The following SH3BGRL2 variants were observed in gnomAD, a reference collection of about 807,000 sequenced individuals.
The protein encoded by SH3BGRL2 is SH3 domain-binding glutamic acid-rich-like protein 2.
SH3BGRL2 carries 21 observed loss-of-function variants against 14.8 expected under a neutral mutation model. That is an observed-to-expected ratio of 1.42 (90% confidence interval 1.01 to 2.05). SH3BGRL2 has a LOEUF of 2.05. Ranked by LOEUF, SH3BGRL2 falls within the 30% of genes most tolerant of loss-of-function variation. The pLI is 0.00. For missense variants in SH3BGRL2, 147 were observed against 130.8 expected (o/e 1.12, Z -0.61); for synonymous variants, 50 against 47.8 (o/e 1.05, Z -0.19).
At chr6:79,695,541 C>G (rs1029258977) in intron 2 of SH3BGRL2, among the ~76,000 whole-genome samples, 1 of 152,114 alleles carries the variant, frequency 6.6e-6, no homozygotes, top group Non-Finnish European at 1.5e-5. Context: ...AGGATGCACC[C>G]TAGAGTACAG....
intron 1 of SH3BGRL2, among the ~76,000 whole-genome samples, chr6:79,632,774 T>TAA (rs1375068206): frequency 2.0e-5 from 3 of 152,228 alleles, no homozygotes; most frequent in Admixed American, 6.5e-5. Context: ...GGTTGCTTAG[T>TAA]CATGCCTGCC....
the SH3BGRL2 span, among the ~76,000 whole-genome samples, chr6:79,595,290 TA>T: frequency 3.3e-4 from 48 of 143,634 alleles, no homozygotes; most frequent in East Asian, 6.0e-4. Context: ...AACATCGTCT[TA>T]AAAAAAAAAA....
chr6:79,547,604 G>A, the SH3BGRL2 span, among the ~76,000 whole-genome samples: 1 of 152,224 alleles, frequency 6.6e-6, no homozygotes, highest in South Asian at 2.1e-4. Flanking sequence ...CCCAACATTA[G>A]TCCGTTCTGG....
At chr6:79,673,545 C>T (rs935271228) in intron 1 of SH3BGRL2, 69 bp from the exon 2 acceptor site, 7 of 1,456,552 alleles carry the variant, frequency 4.8e-6, no homozygotes. Context: ...AAATCTAGTT[C>T]AGTTTGGAAG....
the SH3BGRL2 span, among the ~76,000 whole-genome samples, chr6:79,541,764 G>A: frequency 6.6e-6 from 1 of 152,154 alleles, no homozygotes; most frequent in African/African-American, 2.4e-5. Flanking sequence ...CTGGAATGCT[G>A]TTACTAGAAG....
chr6:79,644,322 G>A (rs1429578724), intron 1 of SH3BGRL2, among the ~76,000 whole-genome samples: 25 of 152,076 alleles, frequency 1.6e-4, no homozygotes, highest in Admixed American at 1.6e-3. Context: ...GGAAGGGAGG[G>A]AATTGAGGGT....
At chr6:79,547,012 C>T in the SH3BGRL2 span, among the ~76,000 whole-genome samples, 3 of 152,100 alleles carry the variant, frequency 2.0e-5, no homozygotes, top group Non-Finnish European at 4.4e-5. Context: ...TTTGTGTTGC[C>T]ATTGGAATAA....
At chr6:79,600,526 G>T in the SH3BGRL2 span, among the ~76,000 whole-genome samples, 2 of 152,154 alleles carry the variant, frequency 1.3e-5, no homozygotes, top group Non-Finnish European at 2.9e-5. Context: ...AAAAGTCACA[G>T]TAGGCAGAAG....
intron 2 of SH3BGRL2, among the ~76,000 whole-genome samples, chr6:79,676,974 G>A (rs1029902776): frequency 1.3e-5 from 2 of 152,092 alleles, no homozygotes; most frequent in African/African-American, 4.8e-5. Context: ...GTGCTTGAAC[G>A]GTGTTAGTCC....
chr6:79,668,733 A>G (rs1293933176), intron 1 of SH3BGRL2, among the ~76,000 whole-genome samples: 1 of 152,184 alleles, frequency 6.6e-6, no homozygotes, highest in Non-Finnish European at 1.5e-5. Flanking sequence ...GCAAAACAAA[A>G]CACTTCTTGT....
chr6:79,546,371 A>G, the SH3BGRL2 span, among the ~76,000 whole-genome samples: 12 of 152,264 alleles, frequency 7.9e-5, no homozygotes, highest in East Asian at 2.3e-3. Context: ...CCCAAAGCTG[A>G]GAACATTCTC....
the SH3BGRL2 span, among the ~76,000 whole-genome samples, chr6:79,570,002 C>T: frequency 1.3e-5 from 2 of 152,102 alleles, no homozygotes; most frequent in Admixed American, 6.5e-5. Flanking sequence ...GCTGAGATTA[C>T]GGATAAATTG....
the SH3BGRL2 span, among the ~76,000 whole-genome samples, chr6:79,568,915 T>A: frequency 6.6e-6 from 1 of 152,130 alleles, no homozygotes; most frequent in Admixed American, 6.5e-5. Context: ...CTATGCATAA[T>A]ATGTGTCAAT....
At chr6:79,640,146 G>T (rs1010980057) in intron 1 of SH3BGRL2, among the ~76,000 whole-genome samples, 1 of 152,124 alleles carries the variant, frequency 6.6e-6, no homozygotes, top group Non-Finnish European at 1.5e-5. Flanking sequence ...AGTAGGGCAG[G>T]AGGGGAGGAG....
the SH3BGRL2 span, among the ~76,000 whole-genome samples, chr6:79,549,386 A>G: frequency 6.6e-6 from 1 of 152,214 alleles, no homozygotes; most frequent in Non-Finnish European, 1.5e-5. Context: ...CAATGTAAAC[A>G]TATAATGATG....
chr6:79,545,787 G>A, the SH3BGRL2 span, among the ~76,000 whole-genome samples: 1 of 152,136 alleles, frequency 6.6e-6, no homozygotes, highest in Non-Finnish European at 1.5e-5. Context: ...AAATCTTTCT[G>A]TATTCAGGAA....
intron 1 of SH3BGRL2, among the ~76,000 whole-genome samples, chr6:79,654,825 CT>C (rs1211467149): frequency 3.9e-5 from 6 of 152,208 alleles, no homozygotes; most frequent in African/African-American, 1.4e-4. Flanking sequence ...ATCCCTTTTA[CT>C]TTTATTCCTC....
chr6:79,692,783 G>A (rs1770250302), intron 2 of SH3BGRL2, among the ~76,000 whole-genome samples: 1 of 152,060 alleles, frequency 6.6e-6, no homozygotes, highest in Admixed American at 6.5e-5. Flanking sequence ...TTTGAAGTCA[G>A]GTAGCATGAT....
chr6:79,642,268 T>C (rs1222939367), intron 1 of SH3BGRL2, among the ~76,000 whole-genome samples: 1 of 152,230 alleles, frequency 6.6e-6, no homozygotes, highest in Admixed American at 6.5e-5. Flanking sequence ...AGCATTTACG[T>C]TGTATTAGAT....
Sources: gnomAD v4.1 joint callset for allele counts (sites outside exome capture counted in the v4.1 genomes callset) on GRCh38, gnomAD v4.1.1 for gene constraint, MANE v1.5 for transcripts, NCBI Gene and HGNC (gene_info 2026-07-23, HGNC 2026-07-21) for gene names.